Variants in MACROD2 observed in about 807,000 individuals in gnomAD.
MACROD2 encodes ADP-ribose glycohydrolase MACROD2.
In MACROD2, 36 loss-of-function variants were observed where a neutral mutation model predicts 70.4. That is an observed-to-expected ratio of 0.51 (90% CI 0.39 to 0.68). The LOEUF (loss-of-function observed/expected upper bound fraction) is 0.68. Among genes scored for constraint, MACROD2 ranks in the 30% least tolerant of loss-of-function variants. MACROD2 has a pLI of 0.00. For missense variants in MACROD2, 496 were observed against 538.4 expected (o/e 0.92, Z 0.78); for synonymous variants, 172 against 178.8 (o/e 0.96, Z 0.30).
chr20:14,047,629 A>G (rs769575695), intron 2 of MACROD2, among the ~76,000 whole-genome samples: 16 of 152,168 alleles, frequency 1.1e-4, no homozygotes, highest in Non-Finnish European at 2.4e-4. Flanking sequence ...TATATCTAAA[A>G]TATTTGACAG....
At chr20:14,303,313 C>T (rs182684993) in intron 3 of MACROD2, among the ~76,000 whole-genome samples, 45 of 152,274 alleles carry the variant, frequency 3.0e-4, no homozygotes, top group African/African-American at 8.4e-4. Context: ...ATCTGCCTGA[C>T]GCTGGCCGTA....
At chr20:14,176,184 C>T (rs1226535524) in intron 3 of MACROD2, among the ~76,000 whole-genome samples, 1 of 152,112 alleles carries the variant, frequency 6.6e-6, no homozygotes, top group Non-Finnish European at 1.5e-5. Flanking sequence ...AGATGTTTAT[C>T]TGAGAGATTA....
intron 5 of MACROD2, chr20:14,933,786 A>T: frequency 6.6e-6 from 1 of 152,346 alleles, no homozygotes; most frequent in Admixed American, 6.5e-5. Context: ...CTATTTATAG[A>T]AAAATAACAT....
intron 10 of MACROD2, among the ~76,000 whole-genome samples, chr20:15,887,668 GA>G (rs1349513610): frequency 6.6e-6 from 1 of 152,122 alleles, no homozygotes; most frequent in East Asian, 1.9e-4. Flanking sequence ...CTGTCTAGTA[GA>G]AACATAATGT....
rs2052625493 is a variant in MACROD2 at position 13,995,626 on chromosome 20, C to T, written c.-138C>T. ...GCGGCGACTGGAGAGCGGCGAGCGGCGAGCAGCGCAGGACGCAGAGCCTCT... is the reference window on the plus strand; with the variant it reads ...GCGGCGACTGGAGAGCGGCGAGCGGTGAGCAGCGCAGGACGCAGAGCCTCT... On this transcript the variant is annotated 5_prime_UTR_variant, in exon 1 of 18. Transcript: ENST00000684519. This position sits in a 1 kb window ranked among gnomAD's most constrained non-coding sequence, Gnocchi z 4.3. 2 of 808,714 alleles carry T rather than the reference C, an allele frequency of 2.5e-6. No individual in the cohort carries two copies. The highest frequency in any genetic ancestry group is 2.6e-5 in the East Asian group (1 of 37,948). The allele number at this position is 808,714 out of a possible 1,614,324, so 50.1% of individuals were successfully genotyped here. A position where few individuals can be genotyped will look rare whatever the true frequency, so the allele number is the denominator to read the frequency against.
intron 3 of MACROD2, among the ~76,000 whole-genome samples, chr20:14,299,314 G>T (rs948409646): frequency 6.6e-6 from 1 of 152,088 alleles, no homozygotes; most frequent in Non-Finnish European, 1.5e-5. Flanking sequence ...TTTTAATTGA[G>T]ATATATACAT....
chr20:15,153,464 G>T (rs192800283), intron 5 of MACROD2, among the ~76,000 whole-genome samples: 2 of 152,176 alleles, frequency 1.3e-5, no homozygotes, highest in African/African-American at 4.8e-5. Context: ...GCAGGTCACA[G>T]GGGATATGAT....
intron 3 of MACROD2, chr20:14,127,956 G>A: frequency 1.9e-6 from 1 of 513,126 alleles, no homozygotes; most frequent in Non-Finnish European, 3.9e-6. Flanking sequence ...AGACGTAGTT[G>A]TTGGGGAAAT....
rs575961896 is a variant in MACROD2 at position 15,211,354 on chromosome 20, G to A, written c.419-18586G>A. On this transcript the variant is annotated intron_variant, in intron 5 of 17. Transcript: ENST00000684519. ...ATTCATTCATCAGTTGATGGACATT[G>A]AGTTGTTTCCATTTTGAGCTATTAT... is the stretch of plus-strand genomic sequence containing the variant. 1.2e-3 allele frequency among the ~76,000 whole-genome samples: 182 copies of A among 152,250 alleles called. 5 individuals carry two copies. In the South Asian group the frequency reaches 0.037, roughly 31 times the overall value.
At position 14,737,467 on chromosome 20, in the gene MACROD2, C is replaced by T. The variant is rs987665392; in HGVS notation, c.418+52508C>T. 2.6e-5 allele frequency among the ~76,000 whole-genome samples: 4 copies of T among 151,946 alleles called. No homozygotes were observed. In the East Asian group the frequency reaches 7.7e-4, roughly 29 times the overall value. On this transcript the variant is annotated intron_variant, in intron 5 of 17. Transcript: ENST00000684519. ...CATTTATAATCCTTTGGGTATATACCCAGTAATGGGATTGCTGGGTCAAAT... is the reference window on the plus strand; with the variant it reads ...CATTTATAATCCTTTGGGTATATACTCAGTAATGGGATTGCTGGGTCAAAT...
intron 3 of MACROD2, among the ~76,000 whole-genome samples, chr20:14,302,536 C>T (rs2082484098): frequency 6.6e-6 from 1 of 152,074 alleles, no homozygotes; most frequent in South Asian, 2.1e-4. Context: ...AAATAGGCGA[C>T]TTGCTTTACA....
intron 4 of MACROD2, among the ~76,000 whole-genome samples, chr20:14,567,948 C>T (rs1979917601): frequency 6.6e-6 from 1 of 151,986 alleles, no homozygotes; most frequent in African/African-American, 2.4e-5. Flanking sequence ...ACTGGCAAAA[C>T]ATTATTTCTC....
chr20:14,461,591 G>T (rs867501019), intron 3 of MACROD2, among the ~76,000 whole-genome samples: 2 of 151,660 alleles, frequency 1.3e-5, no homozygotes, highest in Admixed American at 6.6e-5. Context: ...GTGCCATGTT[G>T]TTGTGCTGCA....
At chr20:14,430,277 A>G (rs923060377) in intron 3 of MACROD2, among the ~76,000 whole-genome samples, 10 of 152,262 alleles carry the variant, frequency 6.6e-5, no homozygotes, top group African/African-American at 1.4e-4. Flanking sequence ...AGGAGGTGAC[A>G]TGATCAGGAT....
At chr20:15,113,063 G>A (rs953884425) in intron 5 of MACROD2, among the ~76,000 whole-genome samples, 2 of 152,046 alleles carry the variant, frequency 1.3e-5, no homozygotes, top group Non-Finnish European at 2.9e-5. Flanking sequence ...GCTATTGCCA[G>A]TGTTTCTATG....
intron 6 of MACROD2, among the ~76,000 whole-genome samples, chr20:15,373,011 G>A (rs1293612687): frequency 3.9e-5 from 6 of 152,036 alleles, no homozygotes; most frequent in African/African-American, 1.4e-4. Flanking sequence ...GTGATCATGT[G>A]ATCACACCAC....
At chr20:14,138,785 AC>A (rs2054833770) in intron 3 of MACROD2, among the ~76,000 whole-genome samples, 1 of 67,572 alleles carries the variant, frequency 1.5e-5, no homozygotes, top group African/African-American at 4.4e-5. Context: ...ACACACACAC[AC>A]ACACACACAC....
intron 4 of MACROD2, among the ~76,000 whole-genome samples, chr20:14,522,341 GTAAAA>G (rs1230515954): frequency 6.6e-6 from 1 of 151,954 alleles, no homozygotes; most frequent in Non-Finnish European, 1.5e-5. Flanking sequence ...CACTAACAAA[GTAAAA>G]TAAAATAAAA....
Position 14,061,769 on chromosome 20 carries a change from G to A in MACROD2, c.164-23852G>A, listed in dbSNP as rs142059938. ...TGTTTGTGACAACATGGAGAAGCTCGTGAAGACACACTGAGTCAGTAAGCT... is the reference window on the plus strand; with the variant it reads ...TGTTTGTGACAACATGGAGAAGCTCATGAAGACACACTGAGTCAGTAAGCT... On this transcript the variant is annotated intron_variant, in intron 2 of 17. Transcript: ENST00000684519. Among the ~76,000 whole-genome samples the A allele has an allele frequency of 4.6e-4, 70 of 152,216 alleles. No homozygotes were observed. The East Asian group carries it at 9.2e-3, about 20-fold the overall frequency.
Sources: allele counts gnomAD v4.1 joint callset (sites outside exome capture counted in the v4.1 genomes callset), GRCh38; gene constraint gnomAD v4.1.1; non-coding constraint Gnocchi (gnomAD v3.1); transcripts MANE v1.5; gene names NCBI Gene and HGNC (gene_info 2026-07-23, HGNC 2026-07-21).